The following ADAMTS4 variants were observed in gnomAD, a reference collection of about 807,000 sequenced individuals.
The protein encoded by ADAMTS4 is ADAM metallopeptidase with thrombospondin type 1 motif 4.
Under a neutral mutation model 66.7 loss-of-function variants are expected in ADAMTS4, and 38 were observed. The observed-to-expected ratio is 0.57, with a 90% CI of 0.44 to 0.75. The LOEUF (loss-of-function observed/expected upper bound fraction) is 0.75. ADAMTS4 is among the 30% of genes least tolerant of loss of function. The pLI, the probability that ADAMTS4 is intolerant of heterozygous loss-of-function variation, is 0.00. For synonymous variants in ADAMTS4, 418 were observed against 461.5 expected (o/e 0.91, Z 1.21); for missense variants, 1,014 against 1,116.7 (o/e 0.91, Z 1.31).
rs529598114 is a variant in ADAMTS4 at position 161,193,412 on chromosome 1, C to G, written c.1736-24G>C. ...GGCTGGAGGGGTAAAACAGTCAGAG[C>G]CCCTCCTTCCTTCCTCACATCACCC... is the stretch of plus-strand genomic sequence containing the variant. On this transcript the variant is annotated intron_variant, in intron 6 of 8. Coordinates refer to ENST00000367996, the MANE Select transcript of ADAMTS4 (RefSeq NM_005099.6). The surrounding 1 kb of genome is among the most constrained non-coding windows in gnomAD (Gnocchi z 4.4). 21 of 1,606,026 alleles carry G rather than the reference C, an allele frequency of 1.3e-5. No individual in the cohort carries two copies. In the Admixed American group the frequency reaches 3.2e-4, roughly 24 times the overall value.
rs775332575 is a variant in ADAMTS4 at position 161,198,156 on chromosome 1, C to G, written c.472G>C (p.Ala158Pro). The stretch of plus-strand genomic sequence containing the variant: ...TCCAGGGGCTGGAGGTGGAGTTCAG[C>G]CCCCCGATATTGTAACACGCCTAAC... ...ALLGVLQYRGAELHLQPLEGG... is the reference protein window; with the variant it reads ...ALLGVLQYRGPELHLQPLEGG... The change falls in exon 1 of 9, where the codon GCT (alanine) becomes CCT (proline). Residue 158 changes from alanine (A) to proline (P), a missense_variant. Ala to Pro is a conservative substitution (Grantham distance 27). Transcript: ENST00000367996. This position sits in a 1 kb window ranked among gnomAD's most constrained non-coding sequence, Gnocchi z 4.7. 1 of 1,613,992 alleles carries G rather than the reference C, an allele frequency of 6.2e-7. No individual in the cohort carries two copies. The highest frequency in any genetic ancestry group is 2.2e-5 in the East Asian group (1 of 44,870).
In ADAMTS4 at chr1:161,191,600, C is replaced by T; in HGVS notation, c.2088-36G>A. ...GGAGTAGATGGGGAGCTCAGGATCACCTGAATCCCCTCAGCCTTCTGAGCT... is the reference window on the plus strand; with the variant it reads ...GGAGTAGATGGGGAGCTCAGGATCATCTGAATCCCCTCAGCCTTCTGAGCT... On this transcript the variant is annotated intron_variant, in intron 8 of 8. Coordinates refer to ENST00000367996, the MANE Select transcript of ADAMTS4 (RefSeq NM_005099.6). 3.8e-6 allele frequency: 6 copies of T among 1,560,790 alleles called. No homozygotes were observed. In the Middle Eastern group the frequency reaches 8.6e-4, roughly 223 times the overall value.
At position 161,192,290 on chromosome 1, in the gene ADAMTS4, G is replaced by A. The variant is rs745440523; in HGVS notation, c.1912-50C>T. ...CTGAAGGTTCCTCCTAAGTCAAAAG[G>A]GGTTGGTAAATCAAACGAGACCCAT... On this transcript the variant is annotated intron_variant, in intron 7 of 8. Coordinates refer to ENST00000367996, the MANE Select transcript of ADAMTS4 (RefSeq NM_005099.6). 6 of 1,571,214 alleles carry A rather than the reference G, an allele frequency of 3.8e-6. No homozygotes were observed. In the African/African-American group the frequency reaches 8.2e-5, roughly 21 times the overall value.
At chr1:161,196,330 A>G in intron 2 of ADAMTS4, 27 bp from the exon 3 acceptor site, 1 of 1,582,026 alleles carries the variant, frequency 6.3e-7, no homozygotes, top group East Asian at 2.2e-5. Flanking sequence ...TAGAAGGTGC[A>G]TAGACAGCCA....
rs1257094013 is a variant in ADAMTS4, at chr1:161,191,398, C to T, written c.2254G>A (p.Val752Ile). 6.2e-7 allele frequency: 1 copy of T among 1,614,118 alleles called. No individual in the cohort carries two copies. The highest frequency in any genetic ancestry group is 8.5e-7 in the Non-Finnish European group (1 of 1,180,028). The change falls in exon 9 of 9, where the codon GTA becomes ATA. Residue 752 changes from valine (V) to isoleucine (I), a missense_variant. Transcript: ENST00000367996. The stretch of plus-strand genomic sequence containing the variant: ...CGCAAGCTGACTGCCCCAGGCAGTA[C>T]CACATCTGTGGGGGAGGGCATCAGC... ...YTLMPSPTDV[V>I]LPGAVSLRYS...
At position 161,188,709 on chromosome 1, in the gene ADAMTS4, A is replaced by C. The variant is rs1327263232; in HGVS notation, c.*2429T>G. The C allele has an allele frequency of 6.8e-6, 1 of 148,126 alleles. No individual in the cohort carries two copies. The highest frequency in any genetic ancestry group is 2.0e-4 in the East Asian group (1 of 5,020). The allele number at this position is 148,126 out of a possible 1,614,324, so 9.2% of individuals were successfully genotyped here. ...TCTTGCCTATTTCCTGCCAAACCATATCCTGTTTTTGTTTTTGTTTTTGTA... is the reference window on the plus strand; with the variant it reads ...TCTTGCCTATTTCCTGCCAAACCATCTCCTGTTTTTGTTTTTGTTTTTGTA... On this transcript the variant is annotated 3_prime_UTR_variant, in exon 9 of 9. Transcript: ENST00000367996.
chr1:161,193,979 T>C lies in ADAMTS4; in HGVS notation c.1504A>G (p.Met502Val), dbSNP rs915986693. 11 of 1,607,382 alleles carry C rather than the reference T, an allele frequency of 6.8e-6. No individual in the cohort carries two copies. The highest frequency in any genetic ancestry group is 9.4e-6 in the Non-Finnish European group (11 of 1,175,486). ...GTPCGPAQAC[M>V]GGRCLHMDQL... Reference sequence around the variant, plus strand: ...TCCATGTGGAGGCAGCGACCACCCATGCAGGCCTGTGCGGGCCCGCAGGGT... The same window carrying C: ...TCCATGTGGAGGCAGCGACCACCCACGCAGGCCTGTGCGGGCCCGCAGGGT... Residue 502 changes from methionine to valine, a missense_variant, in exon 5 of 9, where the codon ATG becomes GTG. By Grantham distance (21) the Met-to-Val change is conservative (BLOSUM62 1). Coordinates refer to ENST00000367996, the MANE Select transcript of ADAMTS4 (RefSeq NM_005099.6). This position sits in a 1 kb window ranked among gnomAD's most constrained non-coding sequence, Gnocchi z 4.4.
chr1:161,195,446 G>A lies in ADAMTS4; in HGVS notation c.1261+19C>T, dbSNP rs749867531. On this transcript the variant is annotated intron_variant, in intron 4 of 8. Transcript: ENST00000367996. Reference sequence around the variant, plus strand: ...GGAATTGAGTGCTACCCAGGGAAAGGTAAGTGCCATCTGCTTACCATAGCC... The same window carrying A: ...GGAATTGAGTGCTACCCAGGGAAAGATAAGTGCCATCTGCTTACCATAGCC... The A allele has an allele frequency of 1.9e-6, 3 of 1,591,322 alleles. No homozygotes were observed. Among genetic ancestry groups the A allele is most frequent in the East Asian group, 4.5e-5 (2 of 44,268 alleles).
Position 161,196,612 on chromosome 1 carries a change from G to A in ADAMTS4, c.902C>T (p.Thr301Ile). The A allele has an allele frequency of 1.2e-6, 2 of 1,614,218 alleles. No homozygotes were observed. The highest frequency in any genetic ancestry group is 8.5e-7 in the Non-Finnish European group (1 of 1,180,044). Residue 301 changes from threonine (T) to isoleucine (I), a missense_variant, in exon 2 of 9, where the codon ACC becomes ATC. Thr to Ile is a moderately conservative substitution (Grantham distance 89, BLOSUM62 -1). Coordinates refer to ENST00000367996, the MANE Select transcript of ADAMTS4 (RefSeq NM_005099.6). ...GTGGTCAGGGTCCGAGTCCTCAGGGGTGTTGAGGCCCCGCTGCCAGGCACA... is the reference window on the plus strand; with the variant it reads ...GTGGTCAGGGTCCGAGTCCTCAGGGATGTTGAGGCCCCGCTGCCAGGCACA... Reference protein sequence around the residue: ...SFCAWQRGLNTPEDSDPDHFD... With the variant: ...SFCAWQRGLNIPEDSDPDHFD...
Position 161,195,632 on chromosome 1 carries a change from T to C in ADAMTS4, c.1094A>G (p.His365Arg). The C allele has an allele frequency of 6.2e-7, 1 of 1,611,022 alleles. No individual in the cohort carries two copies. The highest frequency in any genetic ancestry group is 2.2e-5 in the East Asian group (1 of 44,800). Residue 365 changes from histidine to arginine, a missense_variant, in exon 4 of 9, where the codon CAT (histidine) becomes CGT (arginine). Physicochemically the swap from His to Arg is conservative, Grantham distance 29. Transcript: ENST00000367996. ...GTTGTCATGGAGCATGTTGAAGACA[T>C]GACCTGTGGGAGCAAAGGCCCTGAT... ...SAFTAAHELG[H>R]VFNMLHDNSK...
intron 1 of ADAMTS4, 147 bp downstream of exon 1, chr1:161,197,848 G>A (rs1483102334): frequency 5.6e-6 from 7 of 1,256,772 alleles, no homozygotes; most frequent in Non-Finnish European, 7.5e-6. Flanking sequence ...TACCAAGAAA[G>A]GAGGCTCATG....
intron 3 of ADAMTS4, 105 bp downstream of exon 3, chr1:161,196,066 C>T (rs1252276586): frequency 1.4e-6 from 2 of 1,394,306 alleles, no homozygotes; most frequent in Non-Finnish European, 1.9e-6. Flanking sequence ...ATACCTAGGC[C>T]TGGGGGAAGA....
chr1:161,186,587 G>A lies in ADAMTS4; in HGVS notation c.*4551C>T, dbSNP rs911837694. 4 of 151,232 alleles carry A rather than the reference G, an allele frequency of 2.6e-5. No individual in the cohort carries two copies. The highest frequency in any genetic ancestry group is 3.9e-4 in the East Asian group (2 of 5,190). 9.4% of individuals were successfully genotyped at this position (151,232 alleles called of 1,614,324 possible). Reference sequence around the variant, plus strand: ...GTGATTTAAAAGTGAATCTACACCTGTAGTCCAAGCTACTTAGGAGGCTGA... The same window carrying A: ...GTGATTTAAAAGTGAATCTACACCTATAGTCCAAGCTACTTAGGAGGCTGA... On this transcript the variant is annotated 3_prime_UTR_variant, in exon 9 of 9. Coordinates refer to ENST00000367996, the MANE Select transcript of ADAMTS4 (RefSeq NM_005099.6).
In ADAMTS4 at chr1:161,195,331, A is replaced by G. The variant is rs934437495; in HGVS notation, c.1261+134T>C. ...CTACACAAAGACAGCAGCATTTCTC[A>G]CCCCTTCCCACACTGCAGAGGAAGC... On this transcript the variant is annotated intron_variant, in intron 4 of 8. Transcript: ENST00000367996. 17 of 908,562 alleles carry G rather than the reference A, an allele frequency of 1.9e-5. No individual in the cohort carries two copies. In the African/African-American group the frequency reaches 2.0e-4, roughly 11 times the overall value. 56.3% of individuals were successfully genotyped at this position (908,562 alleles called of 1,614,324 possible).
At position 161,191,496 on chromosome 1, in the gene ADAMTS4, T is replaced by A. The variant is rs764646196; in HGVS notation, c.2156A>T (p.Asn719Ile). The change falls in exon 9 of 9, where the codon AAC becomes ATC. Residue 719 changes from asparagine to isoleucine, a missense_variant. By Grantham distance (149) the Asn-to-Ile change is moderately radical (BLOSUM62 -3). Transcript: ENST00000367996. ...ATHILVRQQG[N>I]PGHRSIYLAL... ...CAAGTAGATGCTCCGGTGGCCAGGG[T>A]TTCCCTGCTGCCGGACAAGAATGTG... 5.0e-6 allele frequency: 8 copies of A among 1,613,966 alleles called. No individual in the cohort carries two copies. The highest frequency in any genetic ancestry group is 6.8e-6 in the Non-Finnish European group (8 of 1,179,956).
Position 161,196,936 on chromosome 1 carries a change from G to A in ADAMTS4, c.634-56C>T, listed in dbSNP as rs1026413220. On this transcript the variant is annotated intron_variant, in intron 1 of 8. Coordinates refer to ENST00000367996, the MANE Select transcript of ADAMTS4 (RefSeq NM_005099.6). ...AAATAGCCTCTCAGACCCATGGGTC[G>A]GTCGATTCTCCAATCCCTCACTTCC... 1.9e-5 allele frequency: 28 copies of A among 1,463,226 alleles called. No individual in the cohort carries two copies. The African/African-American group carries it at 2.8e-4, about 15-fold the overall frequency. The allele number at this position is 1,463,226 out of a possible 1,614,324, so 90.6% of individuals were successfully genotyped here.
chr1:161,198,686 C>T lies in ADAMTS4; in HGVS notation c.-59G>A. On this transcript the variant is annotated 5_prime_UTR_variant, in exon 1 of 9. In the 5' UTR this introduces an upstream ATG that the reference lacks. Transcript: ENST00000367996. The surrounding 1 kb of genome is among the most constrained non-coding windows in gnomAD (Gnocchi z 4.7). ...CGTCTAGGGCACCAAGTCCTCCACA[C>T]CCTAGCTTTGGAAAGCTCCTCTCTG... 1 of 1,413,686 alleles carries T rather than the reference C, an allele frequency of 7.1e-7. No homozygotes were observed. The highest frequency in any genetic ancestry group is 9.3e-7 in the Non-Finnish European group (1 of 1,071,312). The allele number at this position is 1,413,686 out of a possible 1,614,324, so 87.6% of individuals were successfully genotyped here.
chr1:161,197,355 T>TGA, intron 1 of ADAMTS4: 1 of 162,606 alleles, frequency 6.1e-6, no homozygotes. Flanking sequence ...CTGGTCTGGA[T>TGA]TAAAGCTAGA....
In ADAMTS4 at chr1:161,188,842, C is replaced by A. The variant is rs1194526166; in HGVS notation, c.*2296G>T. On this transcript the variant is annotated 3_prime_UTR_variant, in exon 9 of 9. Transcript: ENST00000367996. The stretch of plus-strand genomic sequence containing the variant: ...AAGTCATTCTCCTGCCTCAGTCTCC[C>A]AAGTAGCTGGGACTATAGGCACCTG... The A allele has an allele frequency of 1.4e-5, 2 of 140,470 alleles. No individual in the cohort carries two copies. Among genetic ancestry groups the A allele is most frequent in the African/African-American group, 2.6e-5 (1 of 37,974 alleles). The allele number at this position is 140,470 out of a possible 1,614,324, so 8.7% of individuals were successfully genotyped here. A position where few individuals can be genotyped will look rare whatever the true frequency, so the allele number is the denominator to read the frequency against.
Sources: gnomAD v4.1 joint callset for allele counts on GRCh38, gnomAD v4.1.1 for gene constraint, Gnocchi (gnomAD v3.1) non-coding constraint, MANE v1.5 for transcripts, NCBI Gene and HGNC (gene_info 2026-07-23, HGNC 2026-07-21) for gene names.